The following LRRC4C variants were observed in gnomAD, a reference collection of about 807,000 sequenced individuals.
The protein encoded by LRRC4C is leucine rich repeat containing 4C.
LRRC4C carries 5 observed loss-of-function variants against 33.6 expected under a neutral mutation model. The observed-to-expected ratio is 0.15, with a 90% confidence interval of 0.08 to 0.31. LRRC4C has a LOEUF of 0.31. Among genes scored for constraint, LRRC4C ranks in the 10% least tolerant of loss-of-function variants. The pLI is 1.00. For synonymous variants in LRRC4C, 329 were observed against 302.0 expected (o/e 1.09, Z -0.93); for missense variants, 560 against 796.7 (o/e 0.70, Z 3.58).
chr11:40,198,997 C>T (rs151131333), intron 5 of LRRC4C, among the ~76,000 whole-genome samples: 13 of 152,248 alleles, frequency 8.5e-5, no homozygotes, highest in East Asian at 3.9e-4. Flanking sequence ...GGCAGGAGCA[C>T]GCCTGACATG....
At chr11:40,132,742 A>C (rs1856732506) in intron 6 of LRRC4C, among the ~76,000 whole-genome samples, 1 of 152,184 alleles carries the variant, frequency 6.6e-6, no homozygotes, top group Non-Finnish European at 1.5e-5. Flanking sequence ...AACCCCAATA[A>C]GGATCCTCCC....
At chr11:40,789,410 T>C (rs1472007137) in intron 2 of LRRC4C, among the ~76,000 whole-genome samples, 4 of 152,138 alleles carry the variant, frequency 2.6e-5, no homozygotes, top group African/African-American at 9.7e-5. Context: ...GTTTTCTCTC[T>C]CCCACTTTTT....
intron 1 of LRRC4C, among the ~76,000 whole-genome samples, chr11:41,279,255 T>C (rs1203238526): frequency 1.3e-5 from 2 of 152,110 alleles, no homozygotes; most frequent in African/African-American, 4.8e-5. Flanking sequence ...TAGTGACTAG[T>C]GCTGTGATGA....
At position 40,209,514 on chromosome 11, in the gene LRRC4C, T is replaced by C. The variant is rs539364203; in HGVS notation, c.-96+32005A>G. 2.3e-3 allele frequency among the ~76,000 whole-genome samples: 346 copies of C among 152,300 alleles called. 2 individuals are homozygous for C. The highest frequency in any genetic ancestry group is 8.0e-3 in the African/African-American group (332 of 41,558). ...TTTACTCCAAACATTAGCCTCTTTTTTGATGGGACGTTTGATCATCTAACA... is the reference window on the plus strand; with the variant it reads ...TTTACTCCAAACATTAGCCTCTTTTCTGATGGGACGTTTGATCATCTAACA... On this transcript the variant is annotated intron_variant, in intron 5 of 6. Coordinates refer to ENST00000528697, the MANE Select transcript of LRRC4C (RefSeq NM_001258419.2).
chr11:40,617,853 A>C (rs1166666080), intron 3 of LRRC4C, among the ~76,000 whole-genome samples: 1 of 151,674 alleles, frequency 6.6e-6, no homozygotes, highest in Non-Finnish European at 1.5e-5. Context: ...GACAAATGTT[A>C]GTGTTGACCT....
At chr11:40,365,165 T>C (rs1327568912) in intron 3 of LRRC4C, among the ~76,000 whole-genome samples, 1 of 151,430 alleles carries the variant, frequency 6.6e-6, no homozygotes, top group African/African-American at 2.4e-5. Flanking sequence ...ACTTAAAAGA[T>C]TTTTAGAAAC....
At chr11:40,399,877 C>T (rs10837400) in intron 3 of LRRC4C, among the ~76,000 whole-genome samples, 57,521 of 151,780 alleles carry the variant, frequency 0.38, 11,259 homozygotes, top group South Asian at 0.47. Flanking sequence ...TAAAAGAAAA[C>T]GCTCCGAAGA....
At chr11:40,621,313 C>G (rs1962434196) in intron 3 of LRRC4C, among the ~76,000 whole-genome samples, 1 of 151,270 alleles carries the variant, frequency 6.6e-6, no homozygotes, top group African/African-American at 2.4e-5. Flanking sequence ...TGTTTCTGGC[C>G]CTTGTCTACA....
intron 2 of LRRC4C, among the ~76,000 whole-genome samples, chr11:40,801,156 A>C (rs1260940270): frequency 4.6e-5 from 7 of 152,196 alleles, no homozygotes; most frequent in Admixed American, 3.9e-4. Flanking sequence ...ACCTACAGTA[A>C]ACTCACATAT....
At chr11:41,122,618 A>G (rs1942498491) in intron 1 of LRRC4C, among the ~76,000 whole-genome samples, 1 of 151,976 alleles carries the variant, frequency 6.6e-6, no homozygotes, top group South Asian at 2.1e-4. Context: ...ATGTAAAAAT[A>G]AATAGATAGA....
intron 2 of LRRC4C, among the ~76,000 whole-genome samples, chr11:40,691,256 C>G (rs1195145313): frequency 6.6e-6 from 1 of 151,956 alleles, no homozygotes; most frequent in Non-Finnish European, 1.5e-5. Context: ...CCATAACAAA[C>G]TGGTACCTGG....
intron 2 of LRRC4C, among the ~76,000 whole-genome samples, chr11:40,916,924 G>A (rs1298310550): frequency 2.0e-5 from 3 of 151,986 alleles, no homozygotes; most frequent in Admixed American, 6.6e-5. Context: ...TAGACAAAAT[G>A]CAGTTAAGAT....
chr11:40,523,007 G>A (rs1955883533), intron 3 of LRRC4C, among the ~76,000 whole-genome samples: 2 of 152,104 alleles, frequency 1.3e-5, no homozygotes, highest in Admixed American at 1.3e-4. Context: ...ATGAACATGA[G>A]GGCACAAATA....
At chr11:41,048,260 CTT>C (rs35599405) in intron 1 of LRRC4C, among the ~76,000 whole-genome samples, 40,865 of 106,428 alleles carry the variant, frequency 0.38, 7,353 homozygotes, top group Middle Eastern at 0.53. Flanking sequence ...AGATTCTTTA[CTT>C]TTTTTTTTTT....
chr11:40,619,679 G>A (rs749470591), intron 3 of LRRC4C, among the ~76,000 whole-genome samples: 1 of 151,510 alleles, frequency 6.6e-6, no homozygotes, highest in African/African-American at 2.4e-5. Flanking sequence ...TAGTGTTTAC[G>A]ACCTATTGTC....
intron 1 of LRRC4C, among the ~76,000 whole-genome samples, chr11:41,069,690 C>T (rs1035847736): frequency 6.6e-6 from 1 of 151,992 alleles, no homozygotes; most frequent in Non-Finnish European, 1.5e-5. Flanking sequence ...AAATAAATAC[C>T]TGGAAATACA....
chr11:40,759,668 T>G (rs2137056874), intron 2 of LRRC4C, among the ~76,000 whole-genome samples: 1 of 152,134 alleles, frequency 6.6e-6, no homozygotes. Context: ...TCTGGAGTTC[T>G]GCTTCTTGTC....
chr11:41,229,337 A>C (rs1238628992), intron 1 of LRRC4C, among the ~76,000 whole-genome samples: 1 of 152,110 alleles, frequency 6.6e-6, no homozygotes, highest in Non-Finnish European at 1.5e-5. Flanking sequence ...TTTGGATCTT[A>C]GACTTCTAGT....
intron 2 of LRRC4C, among the ~76,000 whole-genome samples, chr11:40,822,103 CT>C (rs1951953051): frequency 6.6e-6 from 1 of 151,500 alleles, no homozygotes; most frequent in Non-Finnish European, 1.5e-5. Context: ...AACACTAGAA[CT>C]TATTCCTTCA....
Sources: allele counts gnomAD v4.1 joint callset (sites outside exome capture counted in the v4.1 genomes callset), GRCh38; gene constraint gnomAD v4.1.1; transcripts MANE v1.5; gene names NCBI Gene and HGNC (gene_info 2026-07-23, HGNC 2026-07-21).